BARX2: variants seen among roughly 807,000 people sequenced by gnomAD.
The protein encoded by BARX2 is BARX homeobox 2.
BARX2 carries 11 observed loss-of-function variants against 25.5 expected under a neutral mutation model. The ratio of observed to expected loss-of-function variants is 0.43; its 90% CI spans 0.27 to 0.71. BARX2 has a LOEUF of 0.71. Among genes scored for constraint, BARX2 ranks in the 30% least tolerant of loss-of-function variants. The pLI is 0.19. For synonymous variants in BARX2, 137 were observed against 149.5 expected, an observed-to-expected ratio of 0.92 and a Z score of 0.61; for missense variants, 360 against 359.9, an observed-to-expected ratio of 1.00 and a Z score of 0.00.
intron 1 of BARX2, among the ~76,000 whole-genome samples, chr11:129,425,484 T>C (rs760792474): frequency 4.6e-5 from 7 of 152,182 alleles, no homozygotes; most frequent in Non-Finnish European, 8.8e-5. Flanking sequence ...GACCACACCA[T>C]GTCCATGTGC....
intron 1 of BARX2, among the ~76,000 whole-genome samples, chr11:129,399,186 G>A (rs1861751830): frequency 1.3e-5 from 2 of 152,168 alleles, no homozygotes; most frequent in Admixed American, 6.5e-5. Flanking sequence ...CTTCAGTATT[G>A]TAGGCTCTCT....
chr11:129,392,057 A>C (rs979260864), intron 1 of BARX2, among the ~76,000 whole-genome samples: 29 of 152,192 alleles, frequency 1.9e-4, no homozygotes, highest in African/African-American at 7.0e-4. Flanking sequence ...CTTAATTGGG[A>C]TGGTCCACTC....
At chr11:129,437,688 A>G (rs1375201999) in intron 2 of BARX2, 1 of 161,334 alleles carries the variant, frequency 6.2e-6, no homozygotes, top group Non-Finnish European at 1.3e-5. Context: ...TCAATGCCTC[A>G]CCTCCTTTTC....
intron 1 of BARX2, among the ~76,000 whole-genome samples, chr11:129,427,170 G>T (rs1387886945): frequency 2.0e-5 from 3 of 152,124 alleles, no homozygotes; most frequent in African/African-American, 7.2e-5. Context: ...GTGCCCCCTG[G>T]GCACTTCACA....
intron 3 of BARX2, among the ~76,000 whole-genome samples, chr11:129,447,530 T>C (rs1472034897): frequency 6.6e-6 from 1 of 152,186 alleles, no homozygotes; most frequent in African/African-American, 2.4e-5. Context: ...AGAGTGGTTC[T>C]GAGATAATTG....
At chr11:129,422,971 G>A (rs993532884) in intron 1 of BARX2, among the ~76,000 whole-genome samples, 1 of 151,960 alleles carries the variant, frequency 6.6e-6, no homozygotes, top group Non-Finnish European at 1.5e-5. Context: ...CCAAAGTGCT[G>A]GGATTACAGG....
At chr11:129,405,514 G>T (rs1314679594) in intron 1 of BARX2, among the ~76,000 whole-genome samples, 11 of 151,910 alleles carry the variant, frequency 7.2e-5, no homozygotes, top group African/African-American at 2.7e-4. Context: ...TTTCTTCATT[G>T]ATACTTTTAG....
At chr11:129,446,909 G>A (rs1862336788) in intron 3 of BARX2, among the ~76,000 whole-genome samples, 1 of 152,182 alleles carries the variant, frequency 6.6e-6, no homozygotes, top group African/African-American at 2.4e-5. Context: ...CTATAAAGCT[G>A]CAGAGAGAGA....
chr11:129,416,150 G>T (rs1213488718), intron 1 of BARX2, among the ~76,000 whole-genome samples: 1 of 152,198 alleles, frequency 6.6e-6, no homozygotes, highest in Admixed American at 6.5e-5. Flanking sequence ...TCAGGGCCAG[G>T]GACTTGTACA....
At chr11:129,388,802 T>C (rs1168669089) in intron 1 of BARX2, among the ~76,000 whole-genome samples, 1 of 152,226 alleles carries the variant, frequency 6.6e-6, no homozygotes, top group African/African-American at 2.4e-5. Context: ...TGATGTAATT[T>C]GCACCCCACG....
chr11:129,440,662 C>A (rs1862245284), intron 2 of BARX2, among the ~76,000 whole-genome samples: 1 of 152,142 alleles, frequency 6.6e-6, no homozygotes, highest in Admixed American at 6.5e-5. Flanking sequence ...TCCAGGGTCC[C>A]CTGAAGGAAG....
intron 1 of BARX2, among the ~76,000 whole-genome samples, chr11:129,384,006 T>G (rs1205759729): frequency 6.6e-6 from 1 of 152,144 alleles, no homozygotes; most frequent in African/African-American, 2.4e-5. Flanking sequence ...ACCAAGTAGC[T>G]GGGATTACAG....
chr11:129,375,988 G>A lies in BARX2; in HGVS notation c.-48G>A, dbSNP rs1251901173. ...CCAGCCCCGCGGCCCCAGCGGGCCG[G>A]GCACTCGCAGCCGCGCTCGGGCCGG... On this transcript the variant is annotated 5_prime_UTR_variant, in exon 1 of 4. Transcript: ENST00000281437. The surrounding 1 kb of genome is among the most constrained non-coding windows in gnomAD (Gnocchi z 4.0). The A allele has an allele frequency of 2.5e-6, 3 of 1,198,462 alleles. No homozygotes were observed. The highest frequency in any genetic ancestry group is 2.1e-6 in the Non-Finnish European group (2 of 962,084). 74.2% of individuals were successfully genotyped at this position (1,198,462 alleles called of 1,614,324 possible). A position where few individuals can be genotyped will look rare whatever the true frequency, so the allele number is the denominator to read the frequency against.
In BARX2 at chr11:129,382,649, C is replaced by T. The variant is rs185733466; in HGVS notation, c.187+6427C>T. Among the ~76,000 whole-genome samples the T allele has an allele frequency of 1.6e-3, 239 of 152,114 alleles. 2 individuals are homozygous for T. The highest frequency in any genetic ancestry group is 5.5e-3 in the African/African-American group (227 of 41,502). On this transcript the variant is annotated intron_variant, in intron 1 of 3. Coordinates refer to ENST00000281437, the MANE Select transcript of BARX2 (RefSeq NM_003658.5). The stretch of plus-strand genomic sequence containing the variant: ...GAATATGGTTAGAGGGCTGCAAGGA[C>T]TCAGGTGGGATGCATAAATTAACAC...
chr11:129,440,638 G>T (rs915973133), intron 2 of BARX2, among the ~76,000 whole-genome samples: 4 of 152,234 alleles, frequency 2.6e-5, no homozygotes, highest in African/African-American at 9.6e-5. Context: ...TGTGAGTACT[G>T]ATTTAAGACC....
At chr11:129,405,119 A>G (rs1289690227) in intron 1 of BARX2, among the ~76,000 whole-genome samples, 1 of 152,204 alleles carries the variant, frequency 6.6e-6, no homozygotes, top group Non-Finnish European at 1.5e-5. Flanking sequence ...TAATGCTCCA[A>G]GGGATTTAAG....
intron 1 of BARX2, among the ~76,000 whole-genome samples, chr11:129,395,641 A>G (rs1199009048): frequency 1.3e-5 from 2 of 152,276 alleles, no homozygotes; most frequent in East Asian, 3.9e-4. Context: ...ATGGTTCAGC[A>G]TGGAAGAAAT....
intron 3 of BARX2, among the ~76,000 whole-genome samples, chr11:129,444,808 C>T (rs1862305070): frequency 6.6e-6 from 1 of 152,050 alleles, no homozygotes; most frequent in African/African-American, 2.4e-5. Flanking sequence ...TTGAAACCAG[C>T]CTGGCAAACA....
chr11:129,423,135 A>G (rs1041278835), intron 1 of BARX2, among the ~76,000 whole-genome samples: 2 of 138,044 alleles, frequency 1.4e-5, no homozygotes, highest in Non-Finnish European at 3.1e-5. Context: ...TTTTTTTCCC[A>G]AGACGGAGTC....
Sources: gnomAD v4.1 joint callset for allele counts (sites outside exome capture counted in the v4.1 genomes callset) on GRCh38, gnomAD v4.1.1 for gene constraint, Gnocchi (gnomAD v3.1) non-coding constraint, MANE v1.5 for transcripts, NCBI Gene and HGNC (gene_info 2026-07-23, HGNC 2026-07-21) for gene names.